The following S100Z variants were observed in gnomAD, a reference collection of about 807,000 sequenced individuals.
The protein encoded by S100Z is S100 calcium binding protein Z, also known as protein S100-Z.
S100Z carries 11 observed loss-of-function variants against 8.5 expected under a neutral mutation model. That is an observed-to-expected ratio of 1.30 (90% CI 0.82 to 2.15). The LOEUF (loss-of-function observed/expected upper bound fraction) is 2.15. S100Z is among the 30% of genes most tolerant of loss of function. The pLI, the probability that S100Z is intolerant of heterozygous loss-of-function variation, is 0.00. For synonymous variants in S100Z, 34 were observed against 43.8 expected (o/e 0.78, Z 0.89); for missense variants, 126 against 117.9 (o/e 1.07, Z -0.32).
At chr5:76,863,521 C>G (rs1268418262) in intron 1 of S100Z, among the ~76,000 whole-genome samples, 1 of 152,116 alleles carries the variant, frequency 6.6e-6, no homozygotes, top group Non-Finnish European at 1.5e-5. Context: ...ATTATATTAT[C>G]TCTTATTTTG....
At chr5:76,867,943 C>T (rs1459923091) in intron 1 of S100Z, among the ~76,000 whole-genome samples, 1 of 152,170 alleles carries the variant, frequency 6.6e-6, no homozygotes, top group Admixed American at 6.5e-5. Context: ...TGCACACTAT[C>T]TCAGACCTTT....
chr5:76,920,233 G>A (rs1281316135), intron 4 of S100Z, among the ~76,000 whole-genome samples: 1 of 152,020 alleles, frequency 6.6e-6, no homozygotes, highest in Non-Finnish European at 1.5e-5. Flanking sequence ...TAAATTGGGT[G>A]GTTTGTTTTC....
At chr5:76,949,733 A>G in the S100Z span, among the ~76,000 whole-genome samples, 1 of 152,268 alleles carries the variant, frequency 6.6e-6, no homozygotes, top group East Asian at 1.9e-4. Context: ...GTACGATTAC[A>G]CTTACATGAG....
chr5:76,916,726 A>G lies in S100Z; in HGVS notation c.*3-3991A>G, dbSNP rs570017958. 2.0e-4 allele frequency among the ~76,000 whole-genome samples: 31 copies of G among 152,308 alleles called. 1 individual carries two copies. Among genetic ancestry groups the G allele is most frequent in the Admixed American group, 1.8e-3 (28 of 15,296 alleles). On this transcript the variant is annotated intron_variant, in intron 4 of 4. Transcript: ENST00000317593. ...GGGTCTTAAGGAAAATTAAAAACAC[A>G]TTCAACTAAATAAAAATGTAAAGAC...
Position 76,877,710 on chromosome 5 carries a change from C to T in S100Z, c.178C>T (p.Gln60Ter). The T allele has an allele frequency of 6.2e-7, 1 of 1,611,848 alleles. No individual in the cohort carries two copies. Among genetic ancestry groups the T allele is most frequent in the Admixed American group, 1.7e-5 (1 of 59,984 alleles). Residue 60 changes from glutamine to a stop codon, truncating the protein, a stop_gained, in exon 4 of 5, where the codon CAG becomes TAG. Coordinates refer to ENST00000317593, the MANE Select transcript of S100Z (RefSeq NM_130772.4). LOFTEE classifies it high-confidence loss of function. ...AACCCAGTTGGTTGATAAGATAGTG[C>T]AGGACCTGGATGCCAATAAGGACAA... ...KETQLVDKIV[Q>*]DLDANKDNEV... is the part of the protein sequence containing the mutation.
At chr5:76,912,150 C>A (rs578232268) in intron 4 of S100Z, among the ~76,000 whole-genome samples, 1 of 152,306 alleles carries the variant, frequency 6.6e-6, no homozygotes, top group South Asian at 2.1e-4. Context: ...TTGGACTACT[C>A]ATGATGTAAA....
chr5:76,927,980 A>G, the S100Z span, among the ~76,000 whole-genome samples: 7 of 152,200 alleles, frequency 4.6e-5, no homozygotes, highest in Non-Finnish European at 8.8e-5. Flanking sequence ...CCACAGGCCT[A>G]GACTCTGCTC....
At chr5:76,891,030 T>C (rs149978007) in intron 4 of S100Z, among the ~76,000 whole-genome samples, 88 of 152,158 alleles carry the variant, frequency 5.8e-4, no homozygotes, top group African/African-American at 2.1e-3. Context: ...CCTGGCTAAT[T>C]TTTGTATTTT....
chr5:76,899,397 T>G (rs922175400), intron 4 of S100Z, among the ~76,000 whole-genome samples: 6 of 152,116 alleles, frequency 3.9e-5, no homozygotes, highest in African/African-American at 1.4e-4. Flanking sequence ...TATTTTTTTT[T>G]TTTTGGTTTT....
At chr5:76,891,723 G>GA (rs1272350320) in intron 4 of S100Z, among the ~76,000 whole-genome samples, 3 of 151,930 alleles carry the variant, frequency 2.0e-5, no homozygotes, top group African/African-American at 7.3e-5. Context: ...ACTTTCTTTG[G>GA]AAAAAATCAG....
chr5:76,877,936 G>A, intron 4 of S100Z, 102 bp downstream of exon 4: 2 of 685,688 alleles, frequency 2.9e-6, no homozygotes, highest in Non-Finnish European at 2.5e-6. Flanking sequence ...GTCATTTATA[G>A]CTATAATATC....
At chr5:76,932,758 A>T in the S100Z span, among the ~76,000 whole-genome samples, 4 of 148,242 alleles carry the variant, frequency 2.7e-5, no homozygotes, top group Non-Finnish European at 3.0e-5. Context: ...TTTACAAAGA[A>T]AATTCATTTA....
downstream of S100Z, among the ~76,000 whole-genome samples, chr5:76,923,216 C>T (rs749094772): frequency 1.3e-5 from 2 of 152,198 alleles, no homozygotes; most frequent in Non-Finnish European, 2.9e-5. Flanking sequence ...GCTCCTAAAT[C>T]TATATCAATC....
intron 4 of S100Z, among the ~76,000 whole-genome samples, chr5:76,906,965 A>G (rs1422994760): frequency 2.0e-5 from 2 of 98,970 alleles, no homozygotes; most frequent in African/African-American, 1.4e-4. Flanking sequence ...ATAGTATTCC[A>G]TTGTGTGTGT....
At chr5:76,925,741 C>T (rs762254796), downstream of S100Z, among the ~76,000 whole-genome samples, 22 of 152,082 alleles carry the variant, frequency 1.4e-4, no homozygotes, top group African/African-American at 3.9e-4. Flanking sequence ...CTGAGGGGGG[C>T]GGATCACTTG....
downstream of S100Z, among the ~76,000 whole-genome samples, chr5:76,923,741 T>C (rs1745088004): frequency 6.6e-6 from 1 of 152,218 alleles, no homozygotes; most frequent in Non-Finnish European, 1.5e-5. Flanking sequence ...AATTAATGTC[T>C]GTGGACCGGC....
chr5:76,930,353 T>C, the S100Z span, among the ~76,000 whole-genome samples: 3 of 152,104 alleles, frequency 2.0e-5, no homozygotes, highest in African/African-American at 7.2e-5. Flanking sequence ...CACATCCAAA[T>C]TGTACCAAAA....
intron 1 of S100Z, among the ~76,000 whole-genome samples, chr5:76,864,122 C>A (rs1751176074): frequency 6.6e-6 from 1 of 152,092 alleles, no homozygotes; most frequent in South Asian, 2.1e-4. Flanking sequence ...CAGTCATGTG[C>A]CCATAATGAC....
intron 2 of S100Z, among the ~76,000 whole-genome samples, chr5:76,871,520 CTTTTTTTTTTT>C (rs565094996): frequency 8.0e-6 from 1 of 125,126 alleles, no homozygotes; most frequent in African/African-American, 3.1e-5. Context: ...ATCAGAAACT[CTTTTTTTTTTT>C]TTTTTTTTTT....
Sources: allele counts gnomAD v4.1 joint callset (sites outside exome capture counted in the v4.1 genomes callset), GRCh38; gene constraint gnomAD v4.1.1; transcripts MANE v1.5; gene names NCBI Gene and HGNC (gene_info 2026-07-23, HGNC 2026-07-21).